The following ASB9 variants were observed in gnomAD, a reference collection of about 807,000 sequenced individuals.
ASB9 encodes the protein ankyrin repeat and SOCS box protein 9.
Under a neutral mutation model 16.6 loss-of-function variants are expected in ASB9, and 5 were observed. The ratio of observed to expected loss-of-function variants is 0.30; its 90% CI spans 0.16 to 0.63. The LOEUF is 0.63. Among genes scored for constraint, ASB9 ranks in the 30% least tolerant of loss-of-function variants. The pLI is 0.82. For missense variants in ASB9, 216 were observed against 229.4 expected, an observed-to-expected ratio of 0.94 and a Z score of 0.38; for synonymous variants, 100 against 86.4, an observed-to-expected ratio of 1.16 and a Z score of -0.87.
rs764491596 is a variant in ASB9 at position 15,267,764 on chromosome X, A to C, written c.94+2017T>G. On this transcript the variant is annotated intron_variant, in intron 1 of 6. Coordinates refer to ENST00000380488, the MANE Select transcript of ASB9 (RefSeq NM_001031739.3). ...ACTTCAAAAAAAACAAAAAAAAAAA[A>C]AAAAAAAGAAATTCTTTGTGAAAAG... Among the ~76,000 whole-genome samples the C allele has an allele frequency of 1.2e-3, 130 of 105,065 alleles. No individual in the cohort carries two copies. The East Asian group carries it at 0.02, about 16-fold the overall frequency. The allele number at this position is 105,065 out of a possible 115,157, so 91.2% of individuals were successfully genotyped here. A position where few individuals can be genotyped will look rare whatever the true frequency, so the allele number is the denominator to read the frequency against.
Position 15,248,931 on chromosome X carries a change from C to T in ASB9, c.573G>A (p.Ala191=), listed in dbSNP as rs745517938. ...CCTGACCTTTCCCTTGGTTCACGTC[C>T]GCTCCTAAACAGTCACGAGAACAAA... The part of the protein sequence containing the change: ...ACVKKLLESG[A]DVNQGKGQDS... Residue 191 remains alanine (A), a synonymous_variant, in exon 6 of 7, where the codon GCG becomes GCA. Transcript: ENST00000380488. The T allele has an allele frequency of 5.1e-5, 60 of 1,168,541 alleles. No individual in the cohort carries two copies. Among genetic ancestry groups the T allele is most frequent in the African/African-American group, 3.2e-4 (18 of 55,849 alleles).
In ASB9 at chrX:15,244,093, G is replaced by A. The variant is rs1282304323; in HGVS notation, c.*413C>T. On this transcript the variant is annotated 3_prime_UTR_variant, in exon 7 of 7. Transcript: ENST00000380488. ...CTGCCTCGATCAAGTCATCACATAA[G>A]TTAATGTCAGAAAACCTGTATTTGA... 1 of 124,108 alleles carries A rather than the reference G, an allele frequency of 8.1e-6. No individual in the cohort carries two copies. Among genetic ancestry groups the A allele is most frequent in the Non-Finnish European group, 1.6e-5 (1 of 61,490 alleles). 10.2% of individuals were successfully genotyped at this position (124,108 alleles called of 1,213,427 possible).
At position 15,244,541 on chromosome X, in the gene ASB9, G is replaced by A; in HGVS notation, c.850C>T (p.Pro284Ser). 1 of 1,196,730 alleles carries A rather than the reference G, an allele frequency of 8.4e-7. No individual in the cohort carries two copies. The highest frequency in any genetic ancestry group is 1.1e-6 in the Non-Finnish European group (1 of 882,382). The change falls in exon 7 of 7, where the codon CCA (proline) becomes TCA (serine). Residue 284 changes from proline (P) to serine (S), a missense_variant. Coordinates refer to ENST00000380488, the MANE Select transcript of ASB9 (RefSeq NM_001031739.3). ...AGGAGAAACTGTTTCAGATCCTCTG[G>A]GAGGACGAGTTTGGTTATCTTATGA... is the stretch of plus-strand genomic sequence containing the variant. ...QHHKITKLVL[P>S]EDLKQFLLHL
At chrX:15,267,752 C>CAAAAAAAAA (rs76177108) in intron 1 of ASB9, among the ~76,000 whole-genome samples, 1 of 83,550 alleles carries the variant, frequency 1.2e-5, no homozygotes. Flanking sequence ...TCAAAAAAAA[C>CAAAAAAAAA]AAAAAAAAAA....
At chrX:15,267,003 G>A (rs1390910747) in intron 1 of ASB9, among the ~76,000 whole-genome samples, 1 of 113,452 alleles carries the variant, frequency 8.8e-6, no homozygotes, top group Non-Finnish European at 1.9e-5. Context: ...TCTCCCATGT[G>A]GAAACAAAAA....
At chrX:15,247,588 T>C (rs909982157) in intron 6 of ASB9, among the ~76,000 whole-genome samples, 1 of 112,877 alleles carries the variant, frequency 8.9e-6, no homozygotes, top group Non-Finnish European at 1.9e-5. Flanking sequence ...ATAAAGATGA[T>C]TACAATCCAT....
At chrX:15,264,224 T>C (rs1259461477) in intron 1 of ASB9, among the ~76,000 whole-genome samples, 1 of 111,396 alleles carries the variant, frequency 9.0e-6, no homozygotes, top group Non-Finnish European at 1.9e-5. Context: ...CTGCCTCTGT[T>C]GTCACATAGC....
chrX:15,244,663 G>A (rs1319195074), intron 6 of ASB9, 33 bp from the exon 7 acceptor site: 1 of 1,147,586 alleles, frequency 8.7e-7, no homozygotes, highest in Admixed American at 2.6e-5. Flanking sequence ...GTCATACAAT[G>A]GTGCTATTGA....
rs908182885 is a variant in ASB9 at position 15,269,678 on chromosome X, C to T, written c.94+103G>A. 18 of 575,608 alleles carry T rather than the reference C, an allele frequency of 3.1e-5. No homozygotes were observed. The African/African-American group carries it at 4.2e-4, about 13-fold the overall frequency. 47.4% of individuals were successfully genotyped at this position (575,608 alleles called of 1,213,427 possible). A position where few individuals can be genotyped will look rare whatever the true frequency, so the allele number is the denominator to read the frequency against. On this transcript the variant is annotated intron_variant, in intron 1 of 6. Transcript: ENST00000380488. ...CTGTGGACATCTGCCCAGTAACAGC[C>T]CCATGGACACCTCACACAGAGCCAC...
intron 6 of ASB9, among the ~76,000 whole-genome samples, chrX:15,246,622 C>A (rs1391155584): frequency 9.0e-6 from 1 of 111,243 alleles, no homozygotes; most frequent in Non-Finnish European, 1.9e-5. Context: ...ACTACAGGTG[C>A]CTGCCACCAC....
In ASB9 at chrX:15,269,948, C is replaced by T; in HGVS notation, c.-74G>A. On this transcript the variant is annotated 5_prime_UTR_variant, in exon 1 of 7. Transcript: ENST00000380488. The stretch of plus-strand genomic sequence containing the variant: ...AGCAAAGTCCAAACTCCATGCTCCC[C>T]CTGCTCCTGAAAAATTCCAGTTCTG... The T allele has an allele frequency of 1.2e-6, 1 of 851,039 alleles. No homozygotes were observed. The highest frequency in any genetic ancestry group is 2.0e-5 in the African/African-American group (1 of 49,546). 70.1% of individuals were successfully genotyped at this position (851,039 alleles called of 1,213,427 possible).
At chrX:15,267,425 T>TTAAAAAAAAAAAAAAAAAAAA (rs377056337) in intron 1 of ASB9, among the ~76,000 whole-genome samples, 2 of 87,661 alleles carry the variant, frequency 2.3e-5, no homozygotes, top group African/African-American at 8.3e-5. Context: ...AAAATATATA[T>TTAAAAAAAAAAAAAAAAAAAA]ATATATATAA....
Position 15,252,237 on chromosome X carries a change from A to T in ASB9, c.433+17T>A, listed in dbSNP as rs772602382. ...CTTGAAGGAGTGGGTAGAAAAAAAAATTCTCAACAGATTTACCTCTCCTAG... is the reference window on the plus strand; with the variant it reads ...CTTGAAGGAGTGGGTAGAAAAAAAATTTCTCAACAGATTTACCTCTCCTAG... On this transcript the variant is annotated intron_variant, in intron 4 of 6. Transcript: ENST00000380488. 10 of 1,180,480 alleles carry T rather than the reference A, an allele frequency of 8.5e-6. No individual in the cohort carries two copies. The East Asian group carries it at 2.7e-4, about 32-fold the overall frequency.
chrX:15,254,926 A>C, intron 2 of ASB9, 82 bp from the exon 3 acceptor site: 1 of 755,202 alleles, frequency 1.3e-6, no homozygotes, highest in Non-Finnish European at 2.0e-6. Context: ...TTCCAGTACT[A>C]TGACAAAGCT....
intron 1 of ASB9, among the ~76,000 whole-genome samples, chrX:15,265,018 T>A (rs748382125): frequency 2.7e-5 from 3 of 112,215 alleles, no homozygotes; most frequent in African/African-American, 9.7e-5. Context: ...AATTACAACA[T>A]CCAGAATCTC....
chrX:15,251,166 T>C (rs771845422), intron 4 of ASB9, among the ~76,000 whole-genome samples: 3 of 112,449 alleles, frequency 2.7e-5, no homozygotes, highest in South Asian at 7.3e-4. Flanking sequence ...TGTGGCTTTG[T>C]AGTTTGTCTA....
chrX:15,250,610 T>G, intron 4 of ASB9, 46 bp from the exon 5 acceptor site: 2 of 1,153,934 alleles, frequency 1.7e-6, no homozygotes, highest in Non-Finnish European at 2.3e-6. Context: ...ACAAGTTCCC[T>G]TAGCTAGAAA....
At chrX:15,244,697 A>AT in intron 6 of ASB9, 67 bp from the exon 7 acceptor site, 1 of 1,036,523 alleles carries the variant, frequency 9.6e-7, no homozygotes, top group South Asian at 2.3e-5. Context: ...TTTTTTAAAA[A>AT]AAAAAAGCAT....
intron 6 of ASB9, among the ~76,000 whole-genome samples, chrX:15,246,116 G>A (rs758531048): frequency 1.8e-5 from 2 of 112,049 alleles, no homozygotes; most frequent in Non-Finnish European, 3.8e-5. Flanking sequence ...TGCTAGAAAC[G>A]CTGTCAGAGG....
Sources: allele counts gnomAD v4.1 joint callset (sites outside exome capture counted in the v4.1 genomes callset), GRCh38; gene constraint gnomAD v4.1.1; transcripts MANE v1.5; gene names NCBI Gene and HGNC (gene_info 2026-07-23, HGNC 2026-07-21).